DLC1: variants seen among roughly 807,000 people sequenced by gnomAD.
DLC1 encodes the protein DLC1 Rho GTPase activating protein, also known as rho GTPase-activating protein 7.
In DLC1, 54 loss-of-function variants were observed where a neutral mutation model predicts 140.3. The observed-to-expected ratio is 0.38, with a 90% CI of 0.31 to 0.48. DLC1 has a LOEUF of 0.48. DLC1 is among the 20% of genes least tolerant of loss of function. The pLI, the probability that DLC1 is intolerant of heterozygous loss-of-function variation, is 0.96. For synonymous variants in DLC1, 986 were observed against 728.1 expected (o/e 1.35, Z -5.70); for missense variants, 2,536 against 1,907.0 (o/e 1.33, Z -6.14).
At chr8:13,239,431 G>C (rs537535799) in intron 5 of DLC1, among the ~76,000 whole-genome samples, 20 of 152,226 alleles carry the variant, frequency 1.3e-4, no homozygotes, top group African/African-American at 4.6e-4. Context: ...CAGGCAGGTA[G>C]GCAAGCCTGG....
intron 4 of DLC1, among the ~76,000 whole-genome samples, chr8:13,384,337 C>T (rs961851659): frequency 6.6e-6 from 1 of 152,112 alleles, no homozygotes; most frequent in Non-Finnish European, 1.5e-5. Flanking sequence ...TGCAGGTAGA[C>T]ACCTACCTTG....
At chr8:13,370,001 C>T (rs1369621056) in intron 4 of DLC1, among the ~76,000 whole-genome samples, 2 of 151,086 alleles carry the variant, frequency 1.3e-5, no homozygotes, top group Non-Finnish European at 2.9e-5. Context: ...CCTCCTCGCT[C>T]ACTTGGCCCC....
intron 5 of DLC1, among the ~76,000 whole-genome samples, chr8:13,219,970 A>G (rs1828461910): frequency 6.6e-6 from 1 of 152,114 alleles, no homozygotes; most frequent in Admixed American, 6.5e-5. Flanking sequence ...TCGAGAATAG[A>G]TAAATCCGTA....
chr8:13,575,865 T>TTG (rs1174106458), intron 1 of DLC1, among the ~76,000 whole-genome samples: 1 of 152,214 alleles, frequency 6.6e-6, no homozygotes, highest in African/African-American at 2.4e-5. Flanking sequence ...AGGCTTTGTA[T>TTG]TGTGGCTTTA....
At position 13,115,660 on chromosome 8, in the gene DLC1, A is replaced by G. The variant is rs748534365; in HGVS notation, c.1349-3T>C. ...ACAAGCTTCCTTGGCTTCAATTTCT[A>G]GAACAGAACAGAAGAAAGACAAAAT... is the stretch of plus-strand genomic sequence containing the variant. On this transcript the variant is annotated splice_region_variant and splice_polypyrimidine_tract_variant and intron_variant, in intron 5 of 17. Transcript: ENST00000276297. 5 of 1,613,762 alleles carry G rather than the reference A, an allele frequency of 3.1e-6. No individual in the cohort carries two copies. In the East Asian group the frequency reaches 8.9e-5, roughly 29 times the overall value.
In DLC1 at chr8:13,099,603, G is replaced by A. The variant is rs780758841; in HGVS notation, c.2734C>T (p.His912Tyr). 6.8e-6 allele frequency: 11 copies of A among 1,614,078 alleles called. No individual in the cohort carries two copies. Among genetic ancestry groups the A allele is most frequent in the Non-Finnish European group, 5.9e-6 (7 of 1,180,054 alleles). Residue 912 changes from histidine to tyrosine, a missense_variant, in exon 9 of 18, where the codon CAC becomes TAC. His to Tyr is a moderately conservative substitution (Grantham distance 83). Transcript: ENST00000276297. ...IFPELDDILYHVKGMQRIVNQ... is the reference protein window; with the variant it reads ...IFPELDDILYYVKGMQRIVNQ... ...ACTATCCGCTGCATCCCCTTCACGT[G>A]GTAGAGGATGTCGTCCAGCTCGGGG...
intron 1 of DLC1, among the ~76,000 whole-genome samples, chr8:13,537,386 T>C (rs144393076): frequency 6.6e-6 from 1 of 152,298 alleles, no homozygotes; most frequent in African/African-American, 2.4e-5. Flanking sequence ...TGAGTGTTCT[T>C]TCATGATTTC....
rs186753877 is a variant in DLC1 at position 13,520,392 on chromosome 8, A to G, written c.-125-20196T>C. On this transcript the variant is annotated intron_variant, in intron 1 of 1. Coordinates refer to the DLC1 transcript ENST00000631382. ...ACAAGATCAGAAAACCAAATACCGC[A>G]TGTTCTCACCCATAAGTGGGAGTTG... Among the ~76,000 whole-genome samples the G allele has an allele frequency of 1.2e-4, 18 of 152,178 alleles. 1 individual carries two copies. The South Asian group carries it at 2.1e-3, about 18-fold the overall frequency.
At chr8:13,487,690 A>G (rs942690668) in intron 2 of DLC1, among the ~76,000 whole-genome samples, 19 of 151,362 alleles carry the variant, frequency 1.3e-4, no homozygotes, top group African/African-American at 4.6e-4. Flanking sequence ...TCTCTGCCTC[A>G]GCCTCCTGAG....
intron 5 of DLC1, among the ~76,000 whole-genome samples, chr8:13,301,895 A>G (rs1414330563): frequency 6.6e-6 from 1 of 152,130 alleles, no homozygotes; most frequent in Non-Finnish European, 1.5e-5. Flanking sequence ...GAACAATTTC[A>G]TCCTGAAACC....
At chr8:13,588,152 CT>C (rs1250843885) in intron 1 of DLC1, among the ~76,000 whole-genome samples, 1 of 151,976 alleles carries the variant, frequency 6.6e-6, no homozygotes, top group Non-Finnish European at 1.5e-5. Flanking sequence ...CAACTGATTA[CT>C]TTTGAAGGCC....
chr8:13,250,199 A>G lies in DLC1; in HGVS notation c.1348+55070T>C, dbSNP rs565345581. ...ACTTCTACCAAATGACTCTCCATTC[A>G]TATTGCCTCTTTATTGCTTTCATAT... On this transcript the variant is annotated intron_variant, in intron 5 of 17. Coordinates refer to ENST00000276297, the MANE Select transcript of DLC1 (RefSeq NM_182643.3). Among the ~76,000 whole-genome samples the G allele has an allele frequency of 2.6e-4, 40 of 152,356 alleles. 1 individual carries two copies. The highest frequency in any genetic ancestry group is 9.4e-4 in the African/African-American group (39 of 41,584).
chr8:13,470,607 T>C (rs965651574), intron 2 of DLC1, among the ~76,000 whole-genome samples: 2 of 152,136 alleles, frequency 1.3e-5, no homozygotes, highest in African/African-American at 4.8e-5. Flanking sequence ...AGAATAAGTG[T>C]TGGTGAAAGC....
intron 5 of DLC1, among the ~76,000 whole-genome samples, chr8:13,141,615 G>A (rs899524246): frequency 2.0e-5 from 3 of 152,138 alleles, no homozygotes; most frequent in African/African-American, 7.2e-5. Flanking sequence ...GGGTGGGTTC[G>A]GGCAATTGCC....
chr8:13,239,226 G>T (rs1272286673), intron 5 of DLC1, among the ~76,000 whole-genome samples: 2 of 152,120 alleles, frequency 1.3e-5, no homozygotes, highest in Non-Finnish European at 2.9e-5. Flanking sequence ...GCAAATGGCT[G>T]GGGAGGCTTC....
chr8:13,214,830 T>G lies in DLC1; in HGVS notation c.1348+90439A>C, dbSNP rs1160485553. ...AGGAGAAAATGATTGATTTGAGTGC[T>G]GGTGGCAATCAATGAGTGGCAATAG... On this transcript the variant is annotated intron_variant, in intron 5 of 17. Coordinates refer to ENST00000276297, the MANE Select transcript of DLC1 (RefSeq NM_182643.3). The G allele has an allele frequency of 7.8e-6, 6 of 767,164 alleles. No individual in the cohort carries two copies. The African/African-American group carries it at 8.5e-5, about 11-fold the overall frequency. The allele number at this position is 767,164 out of a possible 1,614,324, so 47.5% of individuals were successfully genotyped here. A position where few individuals can be genotyped will look rare whatever the true frequency, so the allele number is the denominator to read the frequency against.
chr8:13,327,918 C>G (rs749349666), intron 4 of DLC1, among the ~76,000 whole-genome samples: 30 of 152,132 alleles, frequency 2.0e-4, no homozygotes, highest in Non-Finnish European at 3.1e-4. Flanking sequence ...CATTTGACAC[C>G]TAAATATGAA....
intron 2 of DLC1, among the ~76,000 whole-genome samples, chr8:13,466,972 T>C (rs1388305636): frequency 3.9e-5 from 6 of 152,136 alleles, no homozygotes; most frequent in East Asian, 1.9e-4. Context: ...CTCCACGTTA[T>C]TGACTCTATA....
chr8:13,102,699 T>C lies in DLC1; in HGVS notation c.1566+91A>G, dbSNP rs1033218357. 1.8e-5 allele frequency: 20 copies of C among 1,142,242 alleles called. No individual in the cohort carries two copies. In the Admixed American group the frequency reaches 2.1e-4, roughly 12 times the overall value. 70.8% of individuals were successfully genotyped at this position (1,142,242 alleles called of 1,614,324 possible). Reference sequence around the variant, plus strand: ...TGCTTACGGAACAACAAACTAAGAGTTGGAGAAACAAAACCTATTACAAAA... The same window carrying C: ...TGCTTACGGAACAACAAACTAAGAGCTGGAGAAACAAAACCTATTACAAAA... On this transcript the variant is annotated intron_variant, in intron 8 of 17. Coordinates refer to ENST00000276297, the MANE Select transcript of DLC1 (RefSeq NM_182643.3).
Sources: allele counts gnomAD v4.1 joint callset (sites outside exome capture counted in the v4.1 genomes callset), GRCh38; gene constraint gnomAD v4.1.1; transcripts MANE v1.5; gene names NCBI Gene and HGNC (gene_info 2026-07-23, HGNC 2026-07-21).